The following GAB3 variants were observed in gnomAD, a reference collection of about 807,000 sequenced individuals.
The protein encoded by GAB3 is GRB2-associated-binding protein 3.
In GAB3, 12 loss-of-function variants were observed where a neutral mutation model predicts 40.4. The ratio of observed to expected loss-of-function variants is 0.30; its 90% confidence interval spans 0.19 to 0.48. The LOEUF (loss-of-function observed/expected upper bound fraction) is 0.48, where lower values mean the gene tolerates loss of function less well. GAB3 is among the 20% of genes least tolerant of loss of function. The pLI is 0.99. For synonymous variants in GAB3, 154 were observed against 176.7 expected, an observed-to-expected ratio of 0.87 and a Z score of 1.02; for missense variants, 381 against 461.9, an observed-to-expected ratio of 0.82 and a Z score of 1.61.
At chrX:154,751,481 C>T (rs782145892), upstream of GAB3, 33 of 747,732 alleles carry the variant, frequency 4.4e-5, no homozygotes, top group Admixed American at 1.7e-3. Context: ...GAGCTGAAAC[C>T]CAAGTACCAC....
chrX:154,718,614 G>T (rs1280528759), intron 1 of GAB3, among the ~76,000 whole-genome samples: 4 of 111,170 alleles, frequency 3.6e-5, no homozygotes, highest in Admixed American at 2.9e-4. Flanking sequence ...AAGTTTTGCT[G>T]TGGGGTTTGA....
In GAB3 at chrX:154,699,983, G is replaced by T. The variant is rs2070716567; in HGVS notation, c.1125+21C>A. ...TTTTTGGTAAAATTGATGCTTAAAAGAACCTGAATGTTGAACTTACCAAAT... is the reference window on the plus strand; with the variant it reads ...TTTTTGGTAAAATTGATGCTTAAAATAACCTGAATGTTGAACTTACCAAAT... On this transcript the variant is annotated intron_variant, in intron 5 of 9. Coordinates refer to ENST00000424127, the MANE Select transcript of GAB3 (RefSeq NM_001081573.3). 5.9e-6 allele frequency: 7 copies of T among 1,185,144 alleles called. No individual in the cohort carries two copies. The East Asian group carries it at 1.8e-4, about 30-fold the overall frequency.
At chrX:154,699,602 G>T in intron 5 of GAB3, 89 bp from the exon 6 acceptor site, 1 of 733,082 alleles carries the variant, frequency 1.4e-6, no homozygotes, top group Non-Finnish European at 2.0e-6. Flanking sequence ...TATGGTTTCA[G>T]TTCCAAATTA....
chrX:154,713,113 C>G, intron 3 of GAB3, 94 bp downstream of exon 3: 1 of 716,352 alleles, frequency 1.4e-6, no homozygotes, highest in Admixed American at 2.3e-5. Flanking sequence ...GCACACTGAA[C>G]ACATCTCAGC....
At chrX:154,721,169 G>A (rs782795785) in intron 1 of GAB3, among the ~76,000 whole-genome samples, 45 of 112,355 alleles carry the variant, frequency 4.0e-4, no homozygotes, top group Middle Eastern at 4.6e-3. Flanking sequence ...AGTCAATTGC[G>A]GAAAAAGAAA....
chrX:154,694,575 A>G (rs1191540092), intron 8 of GAB3, among the ~76,000 whole-genome samples: 2 of 110,537 alleles, frequency 1.8e-5, no homozygotes, highest in African/African-American at 6.6e-5. Flanking sequence ...TTGTATTTTT[A>G]GTAGAGAAGG....
chrX:154,748,185 G>C (rs192325534), intron 1 of GAB3, among the ~76,000 whole-genome samples: 41 of 112,545 alleles, frequency 3.6e-4, no homozygotes, highest in African/African-American at 1.2e-3. Context: ...ATTTGACAAT[G>C]CTTTAACGAA....
At chrX:154,694,472 T>C (rs1254647548) in intron 8 of GAB3, among the ~76,000 whole-genome samples, 3 of 110,194 alleles carry the variant, frequency 2.7e-5, no homozygotes, top group Admixed American at 9.7e-5. Context: ...CTGCAAGCTC[T>C]GCCTCCCGGG....
chrX:154,678,383 T>C lies in GAB3; in HGVS notation c.1648-89A>G. 5.6e-6 allele frequency: 3 copies of C among 535,560 alleles called. No individual in the cohort carries two copies. In the South Asian group the frequency reaches 8.8e-5, roughly 16 times the overall value. 44.1% of individuals were successfully genotyped at this position (535,560 alleles called of 1,213,427 possible). Reference sequence around the variant, plus strand: ...CCTTTTGTATTAAATTGTTAAATATTTGTTGCCCTTTCCTCTGTGTGGAAA... The same window carrying C: ...CCTTTTGTATTAAATTGTTAAATATCTGTTGCCCTTTCCTCTGTGTGGAAA... On this transcript the variant is annotated intron_variant, in intron 9 of 9. Transcript: ENST00000424127.
At chrX:154,743,045 G>A (rs1419591620) in intron 1 of GAB3, among the ~76,000 whole-genome samples, 1 of 105,017 alleles carries the variant, frequency 9.5e-6, no homozygotes, top group African/African-American at 3.5e-5. Flanking sequence ...CCTCAATAAA[G>A]CTGTCTTTAA....
At chrX:154,718,050 A>G (rs1242631491) in intron 1 of GAB3, among the ~76,000 whole-genome samples, 3 of 111,291 alleles carry the variant, frequency 2.7e-5, no homozygotes, top group Non-Finnish European at 5.7e-5. Context: ...GGGTTCTGCC[A>G]GGAGGTACAG....
At chrX:154,710,646 C>G (rs2070928026) in intron 4 of GAB3, among the ~76,000 whole-genome samples, 1 of 111,747 alleles carries the variant, frequency 8.9e-6, no homozygotes, top group Non-Finnish European at 1.9e-5. Context: ...CCAGGCAAAT[C>G]TCAGTGGGAA....
At chrX:154,695,727 T>C (rs1173517469) in intron 8 of GAB3, among the ~76,000 whole-genome samples, 190 bp downstream of exon 8, 1 of 112,225 alleles carries the variant, frequency 8.9e-6, no homozygotes, top group Non-Finnish European at 1.9e-5. Flanking sequence ...GAGTTGAATG[T>C]TGCAGGAAAG....
intron 4 of GAB3, among the ~76,000 whole-genome samples, chrX:154,706,349 G>A (rs980291474): frequency 2.8e-5 from 3 of 108,218 alleles, no homozygotes; most frequent in African/African-American, 1.0e-4. Context: ...CTGGAAGGCA[G>A]AGGTTGCAGT....
Position 154,712,397 on chromosome X carries a change from G to C in GAB3, c.901C>G (p.Leu301Val). ...GGTGGAGTGTTGGACATAATGTCTAGTTCTTTTGCTCCACAGGGTAAGGAA... is the reference window on the plus strand; with the variant it reads ...GGTGGAGTGTTGGACATAATGTCTACTTCTTTTGCTCCACAGGGTAAGGAA... ...QGSLPCGAKE[L>V]DIMSNTPPPR... The change falls in exon 4 of 10, where the codon CTA (leucine) becomes GTA (valine). Residue 301 changes from leucine (L) to valine (V), a missense_variant. By Grantham distance (32) the Leu-to-Val change is conservative. Transcript: ENST00000424127. 8.3e-7 allele frequency: 1 copy of C among 1,211,782 alleles called. No homozygotes were observed. Among genetic ancestry groups the C allele is most frequent in the Non-Finnish European group, 1.1e-6 (1 of 895,399 alleles).
Position 154,679,719 on chromosome X carries a change from C to A in GAB3, c.1647+413G>T, listed in dbSNP as rs781931153. Among the ~76,000 whole-genome samples, 6 of 111,874 alleles carry A rather than the reference C, an allele frequency of 5.4e-5. No homozygotes were observed. The South Asian group carries it at 2.3e-3, about 42-fold the overall frequency. ...TACCCAAAGGGGTAGCTGCCCAACTCAGCATTCAAGGCCCCTTACTTCCAA... is the reference window on the plus strand; with the variant it reads ...TACCCAAAGGGGTAGCTGCCCAACTAAGCATTCAAGGCCCCTTACTTCCAA... On this transcript the variant is annotated intron_variant, in intron 9 of 9. Coordinates refer to ENST00000424127, the MANE Select transcript of GAB3 (RefSeq NM_001081573.3).
chrX:154,745,995 C>T (rs78573765), intron 1 of GAB3, among the ~76,000 whole-genome samples: 1 of 101,613 alleles, frequency 9.8e-6, no homozygotes, highest in Non-Finnish European at 2.0e-5. Context: ...GAGGTTGCAG[C>T]GAGCCAAGAT....
At chrX:154,709,943 A>G (rs1165589006) in intron 4 of GAB3, among the ~76,000 whole-genome samples, 1 of 111,882 alleles carries the variant, frequency 8.9e-6, no homozygotes, top group Non-Finnish European at 1.9e-5. Context: ...TGGGGAATGC[A>G]GGTAAATGAG....
chrX:154,686,437 CAA>C (rs782296474), intron 8 of GAB3, among the ~76,000 whole-genome samples: 56 of 74,385 alleles, frequency 7.5e-4, no homozygotes, highest in African/African-American at 2.3e-3. Flanking sequence ...CTGTCTCTAC[CAA>C]AAAAAAAAAA....
Sources: allele counts gnomAD v4.1 joint callset (sites outside exome capture counted in the v4.1 genomes callset), GRCh38; gene constraint gnomAD v4.1.1; transcripts MANE v1.5; gene names NCBI Gene and HGNC (gene_info 2026-07-23, HGNC 2026-07-21).